SPON1: variants seen among roughly 807,000 people sequenced by gnomAD.
The protein encoded by SPON1 is spondin 1, also known as spondin-1.
A neutral mutation model predicts 111.7 loss-of-function variants in SPON1; 52 were observed. The observed-to-expected ratio is 0.47, with a 90% CI of 0.37 to 0.59. SPON1 has a LOEUF of 0.59. Ranked by LOEUF, SPON1 falls within the 20% of genes least tolerant of loss-of-function variation. The pLI, the probability that SPON1 is intolerant of heterozygous loss-of-function variation, is 0.00. For synonymous variants in SPON1, 410 were observed against 395.8 expected (o/e 1.04, Z -0.43); for missense variants, 957 against 1,068.5 (o/e 0.90, Z 1.46).
At chr11:14,024,908 C>A (rs1848506815) in intron 2 of SPON1, among the ~76,000 whole-genome samples, 1 of 152,188 alleles carries the variant, frequency 6.6e-6, no homozygotes, top group African/African-American at 2.4e-5. Context: ...TATATCAGGG[C>A]AGTCTGCTAT....
At chr11:13,972,418 C>T (rs974397432) in intron 1 of SPON1, among the ~76,000 whole-genome samples, 9 of 152,158 alleles carry the variant, frequency 5.9e-5, no homozygotes, top group Non-Finnish European at 1.3e-4. Context: ...TTGGATCCAT[C>T]CCTGTAGCTG....
At chr11:13,981,535 C>T (rs1848144426) in intron 1 of SPON1, among the ~76,000 whole-genome samples, 1 of 152,166 alleles carries the variant, frequency 6.6e-6, no homozygotes. Context: ...ACCGTGTTAG[C>T]CAGGATGGTC....
chr11:14,091,642 A>C (rs1441834855), intron 5 of SPON1, among the ~76,000 whole-genome samples: 1 of 151,992 alleles, frequency 6.6e-6, no homozygotes, highest in Non-Finnish European at 1.5e-5. Flanking sequence ...CGCCAAGCCC[A>C]CGCCCACCCA....
chr11:14,001,486 C>A (rs1349062730), intron 2 of SPON1, among the ~76,000 whole-genome samples: 6 of 152,168 alleles, frequency 3.9e-5, no homozygotes, highest in Admixed American at 3.3e-4. Flanking sequence ...GAACAATTAG[C>A]CAGGTCCAGC....
chr11:14,233,073 A>G (rs180964924), intron 6 of SPON1, among the ~76,000 whole-genome samples: 1 of 152,066 alleles, frequency 6.6e-6, no homozygotes, highest in Admixed American at 6.5e-5. Flanking sequence ...CAGGTAATCT[A>G]TCCTGTGGTT....
At chr11:14,047,069 C>G (rs1330394841) in intron 3 of SPON1, among the ~76,000 whole-genome samples, 2 of 152,112 alleles carry the variant, frequency 1.3e-5, no homozygotes, top group Non-Finnish European at 2.9e-5. Context: ...GCTGAACTCT[C>G]TTGGTAGTTC....
At chr11:14,012,319 A>G (rs1431249858) in intron 2 of SPON1, among the ~76,000 whole-genome samples, 1 of 152,082 alleles carries the variant, frequency 6.6e-6, no homozygotes, top group Non-Finnish European at 1.5e-5. Context: ...CCTTTCACCA[A>G]AGGCCACAGG....
intron 3 of SPON1, among the ~76,000 whole-genome samples, chr11:14,058,111 T>G (rs1038742593): frequency 1.3e-5 from 2 of 152,040 alleles, no homozygotes; most frequent in Non-Finnish European, 1.5e-5. Context: ...CTTTTTTTCT[T>G]TTCTCCCTGG....
chr11:14,030,230 G>A (rs1848548141), intron 2 of SPON1, among the ~76,000 whole-genome samples: 1 of 152,222 alleles, frequency 6.6e-6, no homozygotes, highest in African/African-American at 2.4e-5. Context: ...AGAGAATATC[G>A]TTTTGAAAGG....
intron 6 of SPON1, among the ~76,000 whole-genome samples, chr11:14,193,895 T>C (rs925416200): frequency 1.3e-5 from 2 of 152,224 alleles, no homozygotes; most frequent in Non-Finnish European, 2.9e-5. Context: ...TGGCCACTCA[T>C]GGCTTTCAGA....
chr11:14,094,173 C>G (rs1236764981), intron 5 of SPON1, among the ~76,000 whole-genome samples: 1 of 150,834 alleles, frequency 6.6e-6, no homozygotes, highest in East Asian at 1.9e-4. Flanking sequence ...GATTGTACCA[C>G]TGCACTCCAG....
chr11:14,019,421 T>C (rs1554914592), intron 2 of SPON1, among the ~76,000 whole-genome samples: 2 of 150,494 alleles, frequency 1.3e-5, no homozygotes, highest in East Asian at 3.9e-4. Flanking sequence ...TATAAAATTG[T>C]ATATGATTAT....
At chr11:14,077,019 G>A (rs1564899478) in intron 4 of SPON1, among the ~76,000 whole-genome samples, 1 of 152,180 alleles carries the variant, frequency 6.6e-6, no homozygotes, top group South Asian at 2.1e-4. Context: ...CATCCCTGCT[G>A]TATCTTCATG....
At chr11:14,242,309 G>A (rs1408050372) in intron 6 of SPON1, among the ~76,000 whole-genome samples, 1 of 152,156 alleles carries the variant, frequency 6.6e-6, no homozygotes, top group Non-Finnish European at 1.5e-5. Flanking sequence ...TAGCCTTGTC[G>A]CTATGAGCCA....
intron 2 of SPON1, among the ~76,000 whole-genome samples, chr11:14,008,866 C>G (rs1554913465): frequency 2.0e-5 from 3 of 152,128 alleles, no homozygotes; most frequent in Admixed American, 6.5e-5. Context: ...ATTTAAAAAC[C>G]TTACAACAAA....
chr11:14,057,509 A>T (rs1848753613), intron 3 of SPON1, among the ~76,000 whole-genome samples: 1 of 152,220 alleles, frequency 6.6e-6, no homozygotes, highest in Non-Finnish European at 1.5e-5. Flanking sequence ...CGAGGATTAG[A>T]TATATCAATG....
At chr11:14,061,795 C>A (rs910709950) in intron 3 of SPON1, among the ~76,000 whole-genome samples, 2 of 152,204 alleles carry the variant, frequency 1.3e-5, no homozygotes, top group South Asian at 4.1e-4. Flanking sequence ...CTAATTAATG[C>A]GATTTTCCTA....
intron 3 of SPON1, among the ~76,000 whole-genome samples, chr11:14,061,243 A>G (rs1848789113): frequency 6.6e-6 from 1 of 152,226 alleles, no homozygotes; most frequent in Non-Finnish European, 1.5e-5. Flanking sequence ...TCTTTAGCAC[A>G]CTGATTTCAT....
rs533049542 is a variant in SPON1 at position 14,265,480 on chromosome 11, C to T, written c.2261-44C>T. 34 of 1,584,050 alleles carry T rather than the reference C, an allele frequency of 2.1e-5. No individual in the cohort carries two copies. In the East Asian group the frequency reaches 2.3e-4, roughly 11 times the overall value. On this transcript the variant is annotated intron_variant, in intron 15 of 15. Coordinates refer to ENST00000576479, the MANE Select transcript of SPON1 (RefSeq NM_006108.4). ...CTACTAGAGTTCAGCATCCCTGTTC[C>T]GTCCCGTTTCTGCGGGCCTAACAAG...
Sources: gnomAD v4.1 joint callset for allele counts (sites outside exome capture counted in the v4.1 genomes callset) on GRCh38, gnomAD v4.1.1 for gene constraint, MANE v1.5 for transcripts, NCBI Gene and HGNC (gene_info 2026-07-23, HGNC 2026-07-21) for gene names.